Variants in RIMS1 observed in about 807,000 individuals in gnomAD.
RIMS1 encodes regulating synaptic membrane exocytosis 1.
Under a neutral mutation model 214.1 loss-of-function variants are expected in RIMS1, and 83 were observed. That is an observed-to-expected ratio of 0.39 (90% CI 0.32 to 0.47). The LOEUF is 0.47. Among genes scored for constraint, RIMS1 ranks in the 20% least tolerant of loss-of-function variants. RIMS1 has a pLI of 0.99. For missense variants in RIMS1, 2,050 were observed against 2,161.8 expected (o/e 0.95, Z 1.03); for synonymous variants, 793 against 786.8 (o/e 1.01, Z -0.13).
intron 1 of RIMS1, among the ~76,000 whole-genome samples, chr6:71,960,185 A>G (rs1792507385): frequency 6.6e-6 from 1 of 152,044 alleles, no homozygotes; most frequent in Non-Finnish European, 1.5e-5. Context: ...GTTTAAGTTG[A>G]TGTTATTGCC....
intron 4 of RIMS1, among the ~76,000 whole-genome samples, chr6:72,103,853 T>A (rs2034181282): frequency 6.6e-6 from 1 of 152,188 alleles, no homozygotes; most frequent in Admixed American, 6.6e-5. Flanking sequence ...AATGAAGTAG[T>A]ATCTCATTGT....
At chr6:72,290,934 G>A (rs957543953) in intron 25 of RIMS1, 73 bp downstream of exon 25, 2 of 1,375,426 alleles carry the variant, frequency 1.5e-6, no homozygotes, top group Non-Finnish European at 2.0e-6. Context: ...ACCTTCCTGA[G>A]CACTTGAAGC....
rs774160444 is a variant in RIMS1, at chr6:72,182,371, C to G, written c.900C>G (p.Pro300=). The change falls in exon 6 of 34, where the codon CCC becomes CCG. Residue 300 remains proline (P), a synonymous_variant. Coordinates refer to ENST00000521978, the MANE Select transcript of RIMS1 (RefSeq NM_014989.7). ...RKRVPKTSAQ[P]VEGAVEERER... is the part of the protein sequence containing the mutation. Reference sequence around the variant, plus strand: ...GCGTGCCAAAGACCTCAGCGCAGCCCGTGGAGGGGGCCGTCGAAGAACGGG... The same window carrying G: ...GCGTGCCAAAGACCTCAGCGCAGCCGGTGGAGGGGGCCGTCGAAGAACGGG... 12 of 1,613,702 alleles carry G rather than the reference C, an allele frequency of 7.4e-6. No homozygotes were observed. The highest frequency in any genetic ancestry group is 1.1e-5 in the South Asian group (1 of 91,086).
At chr6:71,941,914 T>G (rs1212353770) in intron 1 of RIMS1, among the ~76,000 whole-genome samples, 1 of 152,236 alleles carries the variant, frequency 6.6e-6, no homozygotes, top group Non-Finnish European at 1.5e-5. Context: ...ACTCTTCTAA[T>G]TTGATGCCAG....
At chr6:72,112,340 G>A (rs1051864652) in intron 4 of RIMS1, among the ~76,000 whole-genome samples, 1 of 151,850 alleles carries the variant, frequency 6.6e-6, no homozygotes, top group Non-Finnish European at 1.5e-5. Flanking sequence ...CACTCCCAAA[G>A]ACAAATCTGA....
Position 71,889,155 on chromosome 6 carries a change from A to C in RIMS1, c.164+1968A>C, listed in dbSNP as rs143402960. 4.6e-3 allele frequency among the ~76,000 whole-genome samples: 708 copies of C among 152,264 alleles called. 5 individuals are homozygous for C. Among genetic ancestry groups the C allele is most frequent in the Non-Finnish European group, 8.1e-3 (553 of 68,014 alleles). ...GAAAATATAGGCTGCTGCTTGCCAG[A>C]GTCCGGATAGGAAGGGGAAGGCACG... is the stretch of plus-strand genomic sequence containing the variant. On this transcript the variant is annotated intron_variant, in intron 1 of 33. Coordinates refer to ENST00000521978, the MANE Select transcript of RIMS1 (RefSeq NM_014989.7).
At chr6:71,996,791 G>A (rs1803575713) in intron 2 of RIMS1, among the ~76,000 whole-genome samples, 1 of 152,114 alleles carries the variant, frequency 6.6e-6, no homozygotes, top group African/African-American at 2.4e-5. Flanking sequence ...TGCTGCTGGA[G>A]GAGCATTTCC....
intron 2 of RIMS1, among the ~76,000 whole-genome samples, chr6:72,084,583 A>G (rs1293670536): frequency 6.6e-6 from 1 of 152,204 alleles, no homozygotes; most frequent in Non-Finnish European, 1.5e-5. Context: ...GCATTCAGGA[A>G]CACAGTGAAG....
chr6:72,312,825 A>G (rs752102856), intron 27 of RIMS1, among the ~76,000 whole-genome samples: 1 of 152,198 alleles, frequency 6.6e-6, no homozygotes, highest in Non-Finnish European at 1.5e-5. Context: ...GTATTTAACT[A>G]AATTGACTAG....
At chr6:72,313,473 T>C (rs770455324) in intron 27 of RIMS1, 33 bp from the exon 28 acceptor site, 3 of 1,598,264 alleles carry the variant, frequency 1.9e-6, no homozygotes, top group Non-Finnish European at 2.6e-6. Context: ...TGTCTAATGA[T>C]GGAGCTCACA....
chr6:71,900,806 G>C (rs994448398), intron 1 of RIMS1, among the ~76,000 whole-genome samples: 5 of 152,110 alleles, frequency 3.3e-5, no homozygotes, highest in African/African-American at 1.2e-4. Context: ...ACTCAGAAGA[G>C]AGTATGGGTT....
intron 4 of RIMS1, among the ~76,000 whole-genome samples, chr6:72,131,441 C>T (rs947346755): frequency 5.3e-5 from 8 of 152,048 alleles, no homozygotes; most frequent in African/African-American, 1.7e-4. Context: ...TAAAGCTGGG[C>T]GTCCGGGGGA....
At chr6:72,196,446 G>A (rs2050942745) in intron 6 of RIMS1, among the ~76,000 whole-genome samples, 1 of 151,568 alleles carries the variant, frequency 6.6e-6, no homozygotes, top group Non-Finnish European at 1.5e-5. Flanking sequence ...AGAGAGACAG[G>A]ATGCTTCAAA....
chr6:72,139,812 A>G (rs566145657), intron 4 of RIMS1, among the ~76,000 whole-genome samples: 1 of 152,318 alleles, frequency 6.6e-6, no homozygotes, highest in Non-Finnish European at 1.5e-5. Flanking sequence ...ATGCAAATCA[A>G]TCTCTCATCT....
chr6:71,959,624 G>A (rs1397574042), intron 1 of RIMS1, among the ~76,000 whole-genome samples: 1 of 150,536 alleles, frequency 6.6e-6, no homozygotes, highest in Non-Finnish European at 1.5e-5. Flanking sequence ...TTTTTAAAGT[G>A]TGGACAACCA....
At chr6:71,903,288 G>C (rs1484980188) in intron 1 of RIMS1, among the ~76,000 whole-genome samples, 1 of 152,084 alleles carries the variant, frequency 6.6e-6, no homozygotes, top group Non-Finnish European at 1.5e-5. Flanking sequence ...GCGATGTTGA[G>C]CTTTTTTATC....
intron 6 of RIMS1, chr6:72,217,284 A>T (rs1277793445): frequency 6.8e-7 from 1 of 1,464,208 alleles, no homozygotes; most frequent in East Asian, 2.5e-5. Context: ...ATGTAAAGTT[A>T]ATGTAATTTA....
intron 4 of RIMS1, among the ~76,000 whole-genome samples, chr6:72,107,298 C>T (rs1217140778): frequency 2.0e-5 from 3 of 152,182 alleles, no homozygotes; most frequent in East Asian, 1.9e-4. Context: ...CGGTAGCTCA[C>T]GCCTGTAATC....
chr6:72,176,849 C>G (rs2047778811), intron 4 of RIMS1, among the ~76,000 whole-genome samples: 1 of 152,114 alleles, frequency 6.6e-6, no homozygotes, highest in African/African-American at 2.4e-5. Flanking sequence ...TTTGAATAAA[C>G]TGGAAATGAA....
Sources: gnomAD v4.1 joint callset for allele counts (sites outside exome capture counted in the v4.1 genomes callset) on GRCh38, gnomAD v4.1.1 for gene constraint, MANE v1.5 for transcripts, NCBI Gene and HGNC (gene_info 2026-07-23, HGNC 2026-07-21) for gene names.